The following PALLD variants were observed in gnomAD, a reference collection of about 807,000 sequenced individuals.
The protein encoded by PALLD is palladin.
PALLD carries 61 observed loss-of-function variants against 123.5 expected under a neutral mutation model. The observed-to-expected ratio is 0.49, with a 90% CI of 0.40 to 0.61. The LOEUF is 0.61. Ranked by LOEUF, PALLD falls within the 20% of genes least tolerant of loss-of-function variation. The pLI is 0.00. For synonymous variants in PALLD, 465 were observed against 496.4 expected, an observed-to-expected ratio of 0.94 and a Z score of 0.84; for missense variants, 1,273 against 1,377.0, an observed-to-expected ratio of 0.92 and a Z score of 1.20.
chr4:168,875,327 C>A (rs1400423784), intron 10 of PALLD, among the ~76,000 whole-genome samples: 1 of 152,072 alleles, frequency 6.6e-6, no homozygotes, highest in East Asian at 1.9e-4. Context: ...CTTTTTATCT[C>A]TGTGAAAATC....
chr4:168,574,284 A>G (rs975480876), intron 2 of PALLD, among the ~76,000 whole-genome samples: 1 of 152,070 alleles, frequency 6.6e-6, no homozygotes, highest in Non-Finnish European at 1.5e-5. Flanking sequence ...CAAGATGCTT[A>G]CCACAAAAAA....
At chr4:168,815,871 CTG>C (rs1334838003) in intron 10 of PALLD, among the ~76,000 whole-genome samples, 4 of 152,232 alleles carry the variant, frequency 2.6e-5, no homozygotes, top group African/African-American at 4.8e-5. Context: ...TGGGAACAAA[CTG>C]TGGATATTTA....
At chr4:168,670,761 A>C (rs1402641550) in intron 3 of PALLD, among the ~76,000 whole-genome samples, 1 of 104,136 alleles carries the variant, frequency 9.6e-6, no homozygotes, top group African/African-American at 4.7e-5. Flanking sequence ...AAAAACAAAA[A>C]AAACAAAAAA....
Position 168,685,539 on chromosome 4 carries a change from T to G in PALLD, c.1315T>G (p.Phe439Val). ...CRPDGTTTAYFPPVFTKELQN... is the reference protein window; with the variant it reads ...CRPDGTTTAYVPPVFTKELQN... ...ACCTGATGGAACCACTACTGCCTAC[T>G]TTCCTCCTGTTTTTACAAAGGTCTG... The change falls in exon 6 of 22, where the codon TTT becomes GTT. Residue 439 changes from phenylalanine (F) to valine (V), a missense_variant. Phe to Val is a conservative substitution (Grantham distance 50). Transcript: ENST00000505667. 1 of 1,611,472 alleles carries G rather than the reference T, an allele frequency of 6.2e-7. No homozygotes were observed. Among genetic ancestry groups the G allele is most frequent in the Admixed American group, 1.7e-5 (1 of 60,030 alleles).
intron 10 of PALLD, among the ~76,000 whole-genome samples, chr4:168,785,574 C>G (rs1164909822): frequency 6.6e-6 from 1 of 151,988 alleles, no homozygotes; most frequent in Non-Finnish European, 1.5e-5. Flanking sequence ...GCAGTAACTC[C>G]TGGGCAATTC....
At chr4:168,513,164 C>T in intron 2 of PALLD, among the ~76,000 whole-genome samples, 1 of 152,028 alleles carries the variant, frequency 6.6e-6, no homozygotes, top group East Asian at 1.9e-4. Flanking sequence ...TAAATAGGCA[C>T]ATATTCAGTA....
chr4:168,635,610 G>A (rs1318661954), intron 2 of PALLD, among the ~76,000 whole-genome samples: 1 of 152,264 alleles, frequency 6.6e-6, no homozygotes, highest in South Asian at 2.1e-4. Flanking sequence ...CTTGCAATTC[G>A]GTGTTATGAC....
chr4:168,914,268 A>G (rs1759651256), intron 16 of PALLD, among the ~76,000 whole-genome samples: 1 of 152,242 alleles, frequency 6.6e-6, no homozygotes, highest in Non-Finnish European at 1.5e-5. Flanking sequence ...TAAATAAGAC[A>G]TATTTTATAG....
At chr4:168,714,228 C>T (rs1785121059) in intron 10 of PALLD, among the ~76,000 whole-genome samples, 1 of 152,068 alleles carries the variant, frequency 6.6e-6, no homozygotes, top group Non-Finnish European at 1.5e-5. Context: ...TCTTCCAACC[C>T]AGCCCTCTGA....
At chr4:168,671,622 T>C (rs745384771) in intron 3 of PALLD, among the ~76,000 whole-genome samples, 75 of 152,330 alleles carry the variant, frequency 4.9e-4, no homozygotes, top group African/African-American at 1.7e-3. Context: ...TTGTGAAATA[T>C]GAATAATTTT....
chr4:168,566,585 A>C (rs953118346), intron 2 of PALLD, among the ~76,000 whole-genome samples: 1 of 152,178 alleles, frequency 6.6e-6, no homozygotes, highest in Non-Finnish European at 1.5e-5. Flanking sequence ...GGGATAAGCC[A>C]CCATGCTCAG....
rs538822858 is a variant in PALLD, at chr4:168,541,577, A to T, written c.908+29165A>T. 4.6e-4 allele frequency among the ~76,000 whole-genome samples: 70 copies of T among 152,044 alleles called. No homozygotes were observed. In the East Asian group the frequency reaches 0.013, roughly 29 times the overall value. On this transcript the variant is annotated intron_variant, in intron 2 of 21. Transcript: ENST00000505667. ...GCGATTCTCCTGCCTCAGCCTCCTGAGTAGCTGGGATTACAGGCGCTCGCC... is the reference window on the plus strand; with the variant it reads ...GCGATTCTCCTGCCTCAGCCTCCTGTGTAGCTGGGATTACAGGCGCTCGCC...
intron 10 of PALLD, among the ~76,000 whole-genome samples, chr4:168,769,869 T>C (rs1260275786): frequency 6.6e-6 from 1 of 152,236 alleles, no homozygotes; most frequent in African/African-American, 2.4e-5. Context: ...TTTTTAGTTA[T>C]CTACAGATTG....
chr4:168,653,194 T>A (rs1315318926), intron 2 of PALLD, among the ~76,000 whole-genome samples: 1 of 152,074 alleles, frequency 6.6e-6, no homozygotes, highest in Non-Finnish European at 1.5e-5. Context: ...CCTCAGGGAA[T>A]TTTTTTTAAT....
At chr4:168,797,873 A>G (rs556226209) in intron 10 of PALLD, among the ~76,000 whole-genome samples, 1 of 149,912 alleles carries the variant, frequency 6.7e-6, no homozygotes, top group East Asian at 2.0e-4. Context: ...GTTACAAAGC[A>G]TATTTCCCCC....
intron 2 of PALLD, among the ~76,000 whole-genome samples, chr4:168,521,195 AC>A (rs1763529519): frequency 1.3e-5 from 2 of 152,168 alleles, no homozygotes; most frequent in Admixed American, 6.5e-5. Context: ...ACAAAAAAAA[AC>A]AAAACACCTG....
At chr4:168,879,203 G>C (rs540162782) in intron 10 of PALLD, among the ~76,000 whole-genome samples, 19 of 152,292 alleles carry the variant, frequency 1.2e-4, no homozygotes, top group Middle Eastern at 3.4e-3. Context: ...TTACATCACA[G>C]TGATGATGTG....
intron 10 of PALLD, among the ~76,000 whole-genome samples, chr4:168,797,311 C>T (rs1738647217): frequency 6.6e-6 from 1 of 152,044 alleles, no homozygotes; most frequent in Non-Finnish European, 1.5e-5. Context: ...ATCTCCTTTA[C>T]CAAATACTAT....
chr4:168,543,094 A>C (rs1561228781), intron 2 of PALLD, among the ~76,000 whole-genome samples: 1 of 152,246 alleles, frequency 6.6e-6, no homozygotes, highest in East Asian at 1.9e-4. Flanking sequence ...AGTATAGCAC[A>C]GTAATTAAGA....
Sources: gnomAD v4.1 joint callset for allele counts (sites outside exome capture counted in the v4.1 genomes callset) on GRCh38, gnomAD v4.1.1 for gene constraint, MANE v1.5 for transcripts, NCBI Gene and HGNC (gene_info 2026-07-23, HGNC 2026-07-21) for gene names.